Variants in PACSIN1 observed in about 807,000 individuals in gnomAD.
The protein encoded by PACSIN1 is protein kinase C and casein kinase substrate in neurons protein 1.
PACSIN1 carries 15 observed loss-of-function variants against 59.5 expected under a neutral mutation model. The observed-to-expected ratio is 0.25, with a 90% CI of 0.17 to 0.39. The LOEUF is 0.39. Ranked by LOEUF, PACSIN1 falls within the 10% of genes least tolerant of loss-of-function variation. PACSIN1 has a pLI of 1.00. For synonymous variants in PACSIN1, 210 were observed against 220.6 expected, an observed-to-expected ratio of 0.95 and a Z score of 0.42; for missense variants, 420 against 580.2, an observed-to-expected ratio of 0.72 and a Z score of 2.84.
chr6:34,508,672 C>T (rs1194102269), intron 1 of PACSIN1, among the ~76,000 whole-genome samples: 1 of 152,176 alleles, frequency 6.6e-6, no homozygotes, highest in Non-Finnish European at 1.5e-5. Flanking sequence ...CACATCCTTG[C>T]CAACACTTAT....
At chr6:34,480,786 A>G (rs78964948) in intron 1 of PACSIN1, among the ~76,000 whole-genome samples, 4 of 152,294 alleles carry the variant, frequency 2.6e-5, no homozygotes, top group East Asian at 1.9e-4. Flanking sequence ...GTGATCTTCA[A>G]TCTTATAGAT....
intron 1 of PACSIN1, among the ~76,000 whole-genome samples, chr6:34,468,801 C>T (rs1020653658): frequency 2.6e-5 from 4 of 152,220 alleles, no homozygotes; most frequent in Non-Finnish European, 4.4e-5. Flanking sequence ...GTGTCCTCTC[C>T]CTGCTGGGCT....
chr6:34,495,410 G>C (rs1766933008), intron 1 of PACSIN1, among the ~76,000 whole-genome samples: 1 of 151,534 alleles, frequency 6.6e-6, no homozygotes, highest in South Asian at 2.1e-4. Context: ...TTTTACCCTA[G>C]ATCAGCAGAA....
intron 1 of PACSIN1, among the ~76,000 whole-genome samples, chr6:34,472,292 AAAG>A: frequency 6.6e-6 from 1 of 151,254 alleles, no homozygotes; most frequent in South Asian, 2.1e-4. Flanking sequence ...AAAAAAAAAA[AAAG>A]AACAATGTGT....
At chr6:34,527,310 G>C in intron 2 of PACSIN1, 22 bp from the exon 3 acceptor site, 1 of 1,525,096 alleles carries the variant, frequency 6.6e-7, no homozygotes, top group Non-Finnish European at 8.8e-7. Flanking sequence ...CGCGGGAGTG[G>C]TGCTCGCTGC....
intron 1 of PACSIN1, among the ~76,000 whole-genome samples, chr6:34,504,801 T>C (rs1397249924): frequency 6.6e-6 from 1 of 152,214 alleles, no homozygotes; most frequent in Non-Finnish European, 1.5e-5. Flanking sequence ...AAAAAATTCT[T>C]AGTTTCCTTT....
chr6:34,513,168 C>T (rs542866522), intron 1 of PACSIN1, among the ~76,000 whole-genome samples: 2 of 152,332 alleles, frequency 1.3e-5, no homozygotes, highest in South Asian at 2.1e-4. Flanking sequence ...ATTTCTGCAT[C>T]TCAAGATGAT....
chr6:34,504,520 A>C (rs1767079000), intron 1 of PACSIN1, among the ~76,000 whole-genome samples: 1 of 152,044 alleles, frequency 6.6e-6, no homozygotes, highest in East Asian at 1.9e-4. Flanking sequence ...CGAACTCCTG[A>C]CCTCAAGTGA....
At chr6:34,476,789 GC>G (rs1211476837) in intron 1 of PACSIN1, among the ~76,000 whole-genome samples, 205 of 152,338 alleles carry the variant, frequency 1.3e-3, no homozygotes, top group Admixed American at 3.6e-3. Context: ...AGGGCCGGGG[GC>G]GGGTGGCAAA....
rs549713280 is a variant in PACSIN1, at chr6:34,533,558, C to G, written c.*1028C>G. On this transcript the variant is annotated 3_prime_UTR_variant, in exon 10 of 10. Coordinates refer to ENST00000244458, the MANE Select transcript of PACSIN1 (RefSeq NM_020804.5). ...CCACATCAGCCTCCATGAGGCCAAG[C>G]CTTGTACCTGCAAGGCTCTTGGCCT... The G allele has an allele frequency of 6.6e-6, 1 of 152,376 alleles. No homozygotes were observed. Among genetic ancestry groups the G allele is most frequent in the African/African-American group, 2.4e-5 (1 of 41,466 alleles). The allele number at this position is 152,376 out of a possible 1,614,324, so 9.4% of individuals were successfully genotyped here. A position where few individuals can be genotyped will look rare whatever the true frequency, so the allele number is the denominator to read the frequency against.
chr6:34,528,547 T>C, intron 3 of PACSIN1, 95 bp from the exon 4 acceptor site: 1 of 910,792 alleles, frequency 1.1e-6, no homozygotes, highest in Non-Finnish European at 1.8e-6. Context: ...TCTGTTGCTA[T>C]GAGAGGAAAG....
At position 34,511,511 on chromosome 6, in the gene PACSIN1, G is replaced by C. The variant is rs926433255; in HGVS notation, c.-63-14732G>C. On this transcript the variant is annotated intron_variant, in intron 1 of 9. Transcript: ENST00000244458. The stretch of plus-strand genomic sequence containing the variant: ...TATAAAGCACCATGCACAGTGCCTA[G>C]ATGTAGCAGGGACTCAGTGATTGTA... Among the ~76,000 whole-genome samples the C allele has an allele frequency of 7.2e-5, 11 of 152,188 alleles. No individual in the cohort carries two copies. The South Asian group carries it at 8.3e-4, about 11-fold the overall frequency.
In PACSIN1 at chr6:34,477,744, C is replaced by CTTTG. The variant is rs1234155057; in HGVS notation, c.-64+11487_-64+11490dup. On this transcript the variant is annotated intron_variant, in intron 1 of 9. Transcript: ENST00000244458. The stretch of plus-strand genomic sequence containing the variant: ...AAAGGCTCCATTCCTTCACTTTATC[C>CTTTG]TTTGTTTGTTTGTTTGCTTTTTGAG... Among the ~76,000 whole-genome samples, 11 of 152,170 alleles carry CTTTG rather than the reference C, an allele frequency of 7.2e-5. No individual in the cohort carries two copies. In the East Asian group the frequency reaches 1.4e-3, roughly 19 times the overall value.
At position 34,525,921 on chromosome 6, in the gene PACSIN1, G is replaced by GGC. The variant is rs2127272614; in HGVS notation, c.-63-319_-63-318dup. Among the ~76,000 whole-genome samples the GGC allele has an allele frequency of 6.6e-6, 1 of 152,224 alleles. No individual in the cohort carries two copies. Among genetic ancestry groups the GGC allele is most frequent in the East Asian group, 1.9e-4 (1 of 5,168 alleles). On this transcript the variant is annotated intron_variant, in intron 1 of 9. Transcript: ENST00000244458. The surrounding 1 kb of genome is among the most constrained non-coding windows in gnomAD (Gnocchi z 4.9). ...GTCCCGGGGCTCAGATAACTGAGGA[G>GGC]GCGCTGAGCCTGGGCTCCAACAGTC...
At chr6:34,474,022 GT>G (rs1182161417) in intron 1 of PACSIN1, among the ~76,000 whole-genome samples, 2 of 152,216 alleles carry the variant, frequency 1.3e-5, no homozygotes, top group East Asian at 3.9e-4. Flanking sequence ...AAGTTCACAC[GT>G]TATGATTGGT....
At chr6:34,522,950 T>A (rs1356637938) in intron 1 of PACSIN1, among the ~76,000 whole-genome samples, 2 of 152,238 alleles carry the variant, frequency 1.3e-5, no homozygotes, top group African/African-American at 4.8e-5. Context: ...CCACATTGCA[T>A]GAGGGCAGAT....
intron 1 of PACSIN1, among the ~76,000 whole-genome samples, chr6:34,524,752 G>T (rs867571942): frequency 6.6e-6 from 1 of 152,218 alleles, no homozygotes; most frequent in Admixed American, 6.5e-5. Context: ...GTGTTCCCGG[G>T]TGAAGGGTGT....
rs1767615173 is a variant in PACSIN1, at chr6:34,532,337, G to A, written c.1226-84G>A. The A allele has an allele frequency of 1.1e-6, 1 of 870,392 alleles. No homozygotes were observed. The highest frequency in any genetic ancestry group is 2.7e-5 in the East Asian group (1 of 37,480). The allele number at this position is 870,392 out of a possible 1,614,324, so 53.9% of individuals were successfully genotyped here. A position where few individuals can be genotyped will look rare whatever the true frequency, so the allele number is the denominator to read the frequency against. ...ACCCAGTGCAGTAATCAGGAGGTGG[G>A]TATTGGAGGGTTCCCCTAGCAGCCG... On this transcript the variant is annotated intron_variant, in intron 9 of 9. Transcript: ENST00000244458. The surrounding 1 kb of genome is among the most constrained non-coding windows in gnomAD (Gnocchi z 5.2).
Position 34,534,803 on chromosome 6 carries a change from C to T in PACSIN1, c.*2273C>T, listed in dbSNP as rs1218996311. On this transcript the variant is annotated 3_prime_UTR_variant, in exon 10 of 10. Transcript: ENST00000244458. ...GGGAGGGTCTCCTACCTGGAAGTCC[C>T]CCTGAGCTCCAGGGCCCAGCCCTAC... 1 of 152,800 alleles carries T rather than the reference C, an allele frequency of 6.5e-6. No individual in the cohort carries two copies. The highest frequency in any genetic ancestry group is 1.5e-5 in the Non-Finnish European group (1 of 68,146). The allele number at this position is 152,800 out of a possible 1,614,324, so 9.5% of individuals were successfully genotyped here. A position where few individuals can be genotyped will look rare whatever the true frequency, so the allele number is the denominator to read the frequency against.
Sources: gnomAD v4.1 joint callset for allele counts (sites outside exome capture counted in the v4.1 genomes callset) on GRCh38, gnomAD v4.1.1 for gene constraint, Gnocchi (gnomAD v3.1) non-coding constraint, MANE v1.5 for transcripts, NCBI Gene and HGNC (gene_info 2026-07-23, HGNC 2026-07-21) for gene names.